Variants in CYP7B1 observed in about 807,000 individuals in gnomAD.
CYP7B1 encodes cytochrome P450 7B1.
Under a neutral mutation model 42.7 loss-of-function variants are expected in CYP7B1, and 29 were observed. The observed-to-expected ratio is 0.68, with a 90% CI of 0.51 to 0.93. The LOEUF (loss-of-function observed/expected upper bound fraction) is 0.93. CYP7B1 is among the 40% of genes least tolerant of loss of function. The probability of loss-of-function intolerance (pLI) is 0.00; values close to 1 mark genes in which losing one functional copy is unlikely to be tolerated. For synonymous variants in CYP7B1, 235 were observed against 218.2 expected (o/e 1.08, Z -0.68); for missense variants, 655 against 600.5 (o/e 1.09, Z -0.95).
At position 64,765,748 on chromosome 8, in the gene CYP7B1, A is replaced by G. The variant is rs371294489; in HGVS notation, c.122+32718T>C. On this transcript the variant is annotated intron_variant, in intron 1 of 5. Transcript: ENST00000310193. ...AATGACTAGGGGTGCTGGCATCCCT[A>G]TGTTCTTTTTCCAGATGGGAAATGT... Among the ~76,000 whole-genome samples the G allele has an allele frequency of 7.8e-4, 118 of 152,096 alleles. No homozygotes were observed. In the South Asian group the frequency reaches 0.014, roughly 17 times the overall value.
intron 1 of CYP7B1, among the ~76,000 whole-genome samples, chr8:64,795,969 A>AT (rs1804697055): frequency 6.6e-6 from 1 of 152,166 alleles, no homozygotes; most frequent in African/African-American, 2.4e-5. Flanking sequence ...ATTGTTAAAA[A>AT]TTTTTTTACC....
chr8:64,749,771 C>G (rs888685125), intron 1 of CYP7B1, among the ~76,000 whole-genome samples: 2 of 152,080 alleles, frequency 1.3e-5, no homozygotes, highest in African/African-American at 4.8e-5. Flanking sequence ...CCATACTATC[C>G]ATATATTTAA....
chr8:64,673,247 T>A (rs925384423), intron 1 of CYP7B1, among the ~76,000 whole-genome samples: 1 of 152,154 alleles, frequency 6.6e-6, no homozygotes. Flanking sequence ...TATACTCCGT[T>A]TTTTTCTAAT....
chr8:64,696,489 A>C (rs147392999), intron 1 of CYP7B1, among the ~76,000 whole-genome samples: 1 of 152,326 alleles, frequency 6.6e-6, no homozygotes, highest in Non-Finnish European at 1.5e-5. Context: ...TTTGCAGATG[A>C]AAAATGAAAC....
chr8:64,650,910 T>A (rs1428758704), intron 1 of CYP7B1, among the ~76,000 whole-genome samples: 2 of 152,126 alleles, frequency 1.3e-5, no homozygotes, highest in African/African-American at 4.8e-5. Context: ...TAGAATGCTG[T>A]GGGGTTGGGC....
intron 1 of CYP7B1, among the ~76,000 whole-genome samples, chr8:64,745,743 C>G (rs1473308469): frequency 6.6e-6 from 1 of 152,156 alleles, no homozygotes. Context: ...TTTGCATCTA[C>G]AATGGGGTCA....
intron 1 of CYP7B1, among the ~76,000 whole-genome samples, chr8:64,764,967 G>A (rs1420722853): frequency 2.0e-5 from 3 of 148,560 alleles, no homozygotes; most frequent in Admixed American, 1.3e-4. Context: ...TTCCTCCCAG[G>A]TGATTGAGGA....
intron 1 of CYP7B1, among the ~76,000 whole-genome samples, chr8:64,721,683 T>A (rs1389653200): frequency 1.3e-5 from 2 of 152,162 alleles, no homozygotes; most frequent in Non-Finnish European, 2.9e-5. Flanking sequence ...GGATTCTATC[T>A]AATATATACA....
chr8:64,618,794 T>C (rs766551907), intron 2 of CYP7B1, among the ~76,000 whole-genome samples: 3 of 152,190 alleles, frequency 2.0e-5, no homozygotes, highest in African/African-American at 4.8e-5. Flanking sequence ...GTTGTTTGTA[T>C]ATCAGTTCTT....
intron 1 of CYP7B1, among the ~76,000 whole-genome samples, chr8:64,744,916 G>A (rs1022435511): frequency 2.6e-5 from 4 of 152,148 alleles, no homozygotes; most frequent in South Asian, 2.1e-4. Context: ...ACAGTGAGTT[G>A]AGGTATAGTA....
chr8:64,607,413 A>C (rs1044827123), intron 4 of CYP7B1, among the ~76,000 whole-genome samples: 2 of 152,238 alleles, frequency 1.3e-5, no homozygotes, highest in South Asian at 2.1e-4. Flanking sequence ...AAAAAAAAAA[A>C]AAACTTTCCA....
intron 1 of CYP7B1, among the ~76,000 whole-genome samples, chr8:64,706,779 T>C (rs1406735736): frequency 1.3e-5 from 2 of 151,996 alleles, no homozygotes; most frequent in Non-Finnish European, 1.5e-5. Context: ...ATCAAGCACA[T>C]GTCTTTCCTC....
At chr8:64,657,022 T>A (rs1469566869) in intron 1 of CYP7B1, among the ~76,000 whole-genome samples, 1 of 152,080 alleles carries the variant, frequency 6.6e-6, no homozygotes, top group African/African-American at 2.4e-5. Flanking sequence ...TGCTCATTGC[T>A]AGCAAAAATT....
intron 1 of CYP7B1, among the ~76,000 whole-genome samples, chr8:64,734,813 T>C (rs1807462940): frequency 6.6e-6 from 1 of 152,338 alleles, no homozygotes; most frequent in East Asian, 1.9e-4. Context: ...GCATAAACAC[T>C]TTTCTTTACA....
At chr8:64,646,870 C>T (rs1805961664) in intron 1 of CYP7B1, among the ~76,000 whole-genome samples, 1 of 152,210 alleles carries the variant, frequency 6.6e-6, no homozygotes, top group African/African-American at 2.4e-5. Flanking sequence ...CACTTTCTCA[C>T]ACGTGTGTTC....
chr8:64,754,717 G>A (rs182758120), intron 1 of CYP7B1, among the ~76,000 whole-genome samples: 91 of 152,298 alleles, frequency 6.0e-4, no homozygotes, highest in African/African-American at 2.2e-3. Flanking sequence ...GGCCTTGACA[G>A]TAGTCTGAAC....
At chr8:64,704,070 G>A (rs1404916445) in intron 1 of CYP7B1, 1 of 152,036 alleles carries the variant, frequency 6.6e-6, no homozygotes, top group Non-Finnish European at 1.5e-5. Context: ...ACTAACCCAT[G>A]ATAAGTTGTT....
rs1224675285 is a variant in CYP7B1 at position 64,798,618 on chromosome 8, C to T, written c.-31G>A. 12 of 1,449,202 alleles carry T rather than the reference C, an allele frequency of 8.3e-6. No individual in the cohort carries two copies. The highest frequency in any genetic ancestry group is 1.5e-5 in the African/African-American group (1 of 66,766). 89.8% of individuals were successfully genotyped at this position (1,449,202 alleles called of 1,614,324 possible). Reference sequence around the variant, plus strand: ...GCGCGCTAGGCCGCGGTGGGCAGCCCGGGGTCTGCCTGCGAACAGCGCGGT... The same window carrying T: ...GCGCGCTAGGCCGCGGTGGGCAGCCTGGGGTCTGCCTGCGAACAGCGCGGT... On this transcript the variant is annotated 5_prime_UTR_variant, in exon 1 of 6. Transcript: ENST00000310193.
chr8:64,631,957 C>T (rs1805703107), intron 1 of CYP7B1, among the ~76,000 whole-genome samples: 1 of 152,096 alleles, frequency 6.6e-6, no homozygotes, highest in Non-Finnish European at 1.5e-5. Flanking sequence ...AACCCTTGTA[C>T]ACTATTGGTG....
Sources: allele counts gnomAD v4.1 joint callset (sites outside exome capture counted in the v4.1 genomes callset), GRCh38; gene constraint gnomAD v4.1.1; transcripts MANE v1.5; gene names NCBI Gene and HGNC (gene_info 2026-07-23, HGNC 2026-07-21).